Variants in PCSK5 observed in about 807,000 individuals in gnomAD.
PCSK5 encodes proprotein convertase subtilisin/kexin type 5.
In PCSK5, 129 loss-of-function variants were observed where a neutral mutation model predicts 233.2. The ratio of observed to expected loss-of-function variants is 0.55; its 90% CI spans 0.48 to 0.64. The LOEUF is 0.64. Among genes scored for constraint, PCSK5 ranks in the 30% least tolerant of loss-of-function variants. The probability of loss-of-function intolerance (pLI) is 0.00; values close to 1 mark genes in which losing one functional copy is unlikely to be tolerated. For synonymous variants in PCSK5, 825 were observed against 879.2 expected (o/e 0.94, Z 1.09); for missense variants, 2,076 against 2,430.1 (o/e 0.85, Z 3.06).
chr9:76,263,481 A>G (rs1051326831), intron 24 of PCSK5, among the ~76,000 whole-genome samples: 1 of 152,178 alleles, frequency 6.6e-6, no homozygotes, highest in Non-Finnish European at 1.5e-5. Context: ...CTTTGTAGGG[A>G]CATGGATGAA....
chr9:75,985,366 A>G (rs1396176546), intron 2 of PCSK5, among the ~76,000 whole-genome samples: 7 of 152,180 alleles, frequency 4.6e-5, no homozygotes, highest in Non-Finnish European at 1.0e-4. Flanking sequence ...GCATGTTTGA[A>G]TTTTACAGCT....
chr9:76,355,314 T>C (rs1223418638), intron 37 of PCSK5, among the ~76,000 whole-genome samples: 1 of 151,826 alleles, frequency 6.6e-6, no homozygotes, highest in Non-Finnish European at 1.5e-5. Flanking sequence ...CTACTAAAAA[T>C]ACAAAAAAAT....
At chr9:76,336,258 C>T (rs1829675209) in intron 34 of PCSK5, among the ~76,000 whole-genome samples, 1 of 152,152 alleles carries the variant, frequency 6.6e-6, no homozygotes, top group Non-Finnish European at 1.5e-5. Context: ...CAAGCCTCAA[C>T]ATAACCTAGG....
intron 28 of PCSK5, among the ~76,000 whole-genome samples, chr9:76,304,278 G>T (rs17062412): frequency 6.6e-6 from 1 of 152,098 alleles, no homozygotes; most frequent in African/African-American, 2.4e-5. Flanking sequence ...ACCTGTATTT[G>T]CATCTATCCG....
At chr9:76,201,655 T>C (rs1198936460) in intron 20 of PCSK5, among the ~76,000 whole-genome samples, 1 of 152,220 alleles carries the variant, frequency 6.6e-6, no homozygotes, top group East Asian at 1.9e-4. Context: ...TACATCATGC[T>C]TTGTGTGAAC....
At chr9:76,292,371 G>A in intron 25 of PCSK5, 96 bp downstream of exon 25, 1 of 783,662 alleles carries the variant, frequency 1.3e-6, no homozygotes, top group Non-Finnish European at 2.3e-6. Context: ...AAGTGGCCCT[G>A]CAGCCCGAAG....
chr9:75,966,960 G>T (rs764738616), intron 2 of PCSK5, among the ~76,000 whole-genome samples: 1 of 152,094 alleles, frequency 6.6e-6, no homozygotes, highest in African/African-American at 2.4e-5. Flanking sequence ...TATGGCTTTT[G>T]GTCCTCTTGA....
intron 1 of PCSK5, among the ~76,000 whole-genome samples, chr9:75,896,095 A>G (rs1021872978): frequency 1.3e-5 from 2 of 151,892 alleles, no homozygotes; most frequent in African/African-American, 4.8e-5. Flanking sequence ...GCACAGGGCA[A>G]CTCTTCATGC....
intron 1 of PCSK5, among the ~76,000 whole-genome samples, chr9:75,896,307 A>T (rs1825802781): frequency 6.6e-6 from 1 of 152,142 alleles, no homozygotes; most frequent in Non-Finnish European, 1.5e-5. Context: ...GGTCTATTTG[A>T]AGTGAAAAAC....
Position 76,253,348 on chromosome 9 carries a change from C to T in PCSK5, c.3142+12664C>T, listed in dbSNP as rs184658334. ...CTTCTGAAGATAAGAGAAACAAGCT[C>T]CATTAAACAGTTCTGTCTTTAAAAA... is the stretch of plus-strand genomic sequence containing the variant. On this transcript the variant is annotated intron_variant, in intron 24 of 37. Coordinates refer to ENST00000674117, the MANE Select transcript of PCSK5 (RefSeq NM_001372043.1). Among the ~76,000 whole-genome samples the T allele has an allele frequency of 2.0e-5, 3 of 152,028 alleles. No individual in the cohort carries two copies. The East Asian group carries it at 5.8e-4, about 29-fold the overall frequency.
chr9:76,343,165 A>ATT (rs57723867), intron 35 of PCSK5, among the ~76,000 whole-genome samples: 1 of 141,134 alleles, frequency 7.1e-6, no homozygotes, highest in Non-Finnish European at 1.5e-5. Flanking sequence ...TTAGGATAGA[A>ATT]TTTTTTTTTT....
At chr9:76,006,333 G>A (rs958488116) in intron 3 of PCSK5, among the ~76,000 whole-genome samples, 1 of 151,850 alleles carries the variant, frequency 6.6e-6, no homozygotes, top group African/African-American at 2.4e-5. Context: ...TGTATATATA[G>A]TTTATATTTT....
intron 1 of PCSK5, among the ~76,000 whole-genome samples, chr9:75,928,592 A>AATAC (rs1564087906): frequency 1.5e-4 from 11 of 75,290 alleles, no homozygotes; most frequent in East Asian, 3.9e-4. Context: ...TTTACATATA[A>AATAC]ATACATATAT....
intron 34 of PCSK5, 47 bp downstream of exon 34, chr9:76,332,657 A>C: frequency 7.5e-7 from 1 of 1,337,868 alleles, no homozygotes; most frequent in Non-Finnish European, 1.0e-6. Context: ...CAGCCACAGC[A>C]GATATCAACC....
chr9:76,348,993 T>C (rs1406199323), intron 35 of PCSK5, among the ~76,000 whole-genome samples: 1 of 151,876 alleles, frequency 6.6e-6, no homozygotes, highest in Non-Finnish European at 1.5e-5. Context: ...TAGAATGGGC[T>C]GGGTGTGGTG....
chr9:76,177,557 G>A, intron 14 of PCSK5, among the ~76,000 whole-genome samples: 1 of 152,184 alleles, frequency 6.6e-6, no homozygotes, highest in East Asian at 1.9e-4. Flanking sequence ...ATTTTGTGAT[G>A]TTTTGCTTTG....
chr9:76,355,728 G>A (rs1830284215), intron 37 of PCSK5, among the ~76,000 whole-genome samples: 1 of 150,638 alleles, frequency 6.6e-6, no homozygotes, highest in African/African-American at 2.4e-5. Flanking sequence ...TGTTTTGACA[G>A]AGTGTGGCTC....
At chr9:75,906,091 T>C (rs1283361073) in intron 1 of PCSK5, among the ~76,000 whole-genome samples, 1 of 152,180 alleles carries the variant, frequency 6.6e-6, no homozygotes, top group Non-Finnish European at 1.5e-5. Flanking sequence ...AATCCAGTAA[T>C]GACATGAGTA....
intron 6 of PCSK5, among the ~76,000 whole-genome samples, chr9:76,069,969 T>C (rs1830425191): frequency 6.6e-6 from 1 of 151,038 alleles, no homozygotes; most frequent in Non-Finnish European, 1.5e-5. Flanking sequence ...ACTCACACCA[T>C]GGACAAACTT....
Sources: gnomAD v4.1 joint callset for allele counts (sites outside exome capture counted in the v4.1 genomes callset) on GRCh38, gnomAD v4.1.1 for gene constraint, MANE v1.5 for transcripts, NCBI Gene and HGNC (gene_info 2026-07-23, HGNC 2026-07-21) for gene names.